The following QPRT variants were observed in gnomAD, a reference collection of about 807,000 sequenced individuals.
QPRT encodes the protein nicotinate-nucleotide pyrophosphorylase [carboxylating].
QPRT carries 17 observed loss-of-function variants against 19.8 expected under a neutral mutation model. The ratio of observed to expected loss-of-function variants is 0.86; its 90% CI spans 0.59 to 1.29. The LOEUF (loss-of-function observed/expected upper bound fraction) is 1.29. QPRT is among the 50% of genes most tolerant of loss of function. QPRT has a pLI of 0.00. For missense variants in QPRT, 336 were observed against 405.1 expected (o/e 0.83, Z 1.46); for synonymous variants, 178 against 191.0 (o/e 0.93, Z 0.56).
At chr16:29,687,139 G>A (rs989725613) in intron 1 of QPRT, among the ~76,000 whole-genome samples, 2 of 152,168 alleles carry the variant, frequency 1.3e-5, no homozygotes, top group Admixed American at 6.6e-5. Context: ...TCCTCAGCAG[G>A]GGCCTCACAG....
At chr16:29,696,891 C>A (rs1967552559) in intron 2 of QPRT, 105 bp from the exon 3 acceptor site, 1 of 1,351,472 alleles carries the variant, frequency 7.4e-7, no homozygotes, top group East Asian at 2.6e-5. Context: ...CGCGCCCCAG[C>A]TGCAGTGCTG....
At chr16:29,687,291 G>C (rs747752880) in intron 1 of QPRT, among the ~76,000 whole-genome samples, 1 of 152,172 alleles carries the variant, frequency 6.6e-6, no homozygotes, top group Non-Finnish European at 1.5e-5. Flanking sequence ...TTCGTATACT[G>C]AACCATATAA....
intron 1 of QPRT, among the ~76,000 whole-genome samples, chr16:29,693,547 CT>C (rs1446120919): frequency 6.6e-6 from 1 of 151,320 alleles, no homozygotes; most frequent in Non-Finnish European, 1.5e-5. Flanking sequence ...GCATGAGCCA[CT>C]GTACCCAGCC....
chr16:29,694,542 A>G (rs1455273996), intron 1 of QPRT, 122 bp from the exon 2 acceptor site: 3 of 667,114 alleles, frequency 4.5e-6, no homozygotes, highest in Middle Eastern at 5.8e-4. Flanking sequence ...CCCCCCTGGG[A>G]CCCCTAGATC....
intron 1 of QPRT, among the ~76,000 whole-genome samples, chr16:29,683,621 A>G (rs972221161): frequency 6.6e-6 from 1 of 152,072 alleles, no homozygotes; most frequent in Non-Finnish European, 1.5e-5. Flanking sequence ...GGCCTCCCAA[A>G]GTGTTGGGAT....
Position 29,681,493 on chromosome 16 carries a change from CTTTTTTTTTT to C in QPRT, c.13+2295_13+2304del, listed in dbSNP as rs10680462. Among the ~76,000 whole-genome samples, 42 of 97,130 alleles carry C rather than the reference CTTTTTTTTTT, an allele frequency of 4.3e-4. 1 individual carries two copies. Among genetic ancestry groups the C allele is most frequent in the Non-Finnish European group, 6.9e-4 (37 of 53,414 alleles). The allele number at this position is 97,130 out of a possible 152,430, so 63.7% of individuals were successfully genotyped here. ...CCATAATTTTCATCAGATCCAGATT[CTTTTTTTTTT>C]TTTTTTTTTTTGAGACAGAGTCTCG... On this transcript the variant is annotated intron_variant, in intron 1 of 3. Coordinates refer to ENST00000395384, the MANE Select transcript of QPRT (RefSeq NM_014298.6).
intron 1 of QPRT, among the ~76,000 whole-genome samples, chr16:29,690,123 CGGTATTT>C (rs113889114): frequency 0.04 from 6,029 of 152,172 alleles, 377 homozygotes; most frequent in African/African-American, 0.14. Context: ...TGAGAACACG[CGGTATTT>C]GGTTTTCTGT....
In QPRT at chr16:29,697,155, G is replaced by A. The variant is rs772394969; in HGVS notation, c.681+28G>A. 2 of 1,598,902 alleles carry A rather than the reference G, an allele frequency of 1.3e-6. No homozygotes were observed. Among genetic ancestry groups the A allele is most frequent in the African/African-American group, 1.3e-5 (1 of 74,672 alleles). On this transcript the variant is annotated intron_variant, in intron 3 of 3. Transcript: ENST00000395384. This position sits in a 1 kb window ranked among gnomAD's most constrained non-coding sequence, Gnocchi z 4.4. ...AAGGTGGGCTCTGCCTCCGGGGAGG[G>A]ATCTGTGGTGGGCTCTTACCTCCCC...
chr16:29,692,389 G>C (rs138448092), intron 1 of QPRT, among the ~76,000 whole-genome samples: 1 of 152,058 alleles, frequency 6.6e-6, no homozygotes, highest in Admixed American at 6.5e-5. Context: ...GACCATCCCA[G>C]CTAACACGGT....
At chr16:29,683,560 T>C (rs562817907) in intron 1 of QPRT, among the ~76,000 whole-genome samples, 3 of 152,254 alleles carry the variant, frequency 2.0e-5, no homozygotes, top group African/African-American at 7.2e-5. Flanking sequence ...GTTCTCACTA[T>C]GCTGCCCAGG....
intron 1 of QPRT, among the ~76,000 whole-genome samples, chr16:29,689,948 G>A (rs1193753592): frequency 2.6e-5 from 4 of 152,100 alleles, no homozygotes; most frequent in African/African-American, 9.7e-5. Flanking sequence ...GCTCCCAGCT[G>A]ATTAAAGCCA....
chr16:29,694,837 A>G lies in QPRT; in HGVS notation c.187A>G (p.Ile63Val). The G allele has an allele frequency of 1.2e-6, 2 of 1,614,090 alleles. No homozygotes were observed. The highest frequency in any genetic ancestry group is 8.5e-7 in the Non-Finnish European group (1 of 1,179,954). The stretch of plus-strand genomic sequence containing the variant: ...GGCAGGGCAGCCTTTCTTCGATGCC[A>G]TATTTACCCAACTCAACTGCCAAGT... The part of the protein sequence containing the change: ...VLAGQPFFDA[I>V]FTQLNCQVSW... Residue 63 changes from isoleucine to valine, a missense_variant, in exon 2 of 4, where the codon ATA (isoleucine) becomes GTA (valine). By Grantham distance (29) the Ile-to-Val change is conservative. Coordinates refer to ENST00000395384, the MANE Select transcript of QPRT (RefSeq NM_014298.6).
chr16:29,679,246 C>T, intron 1 of QPRT, 36 bp downstream of exon 1: 2 of 1,536,622 alleles, frequency 1.3e-6, no homozygotes, highest in Non-Finnish European at 9.0e-7. Context: ...TCCCTGCACC[C>T]ATCCCCCCAC....
chr16:29,682,687 G>GT (rs1454188283), intron 1 of QPRT, among the ~76,000 whole-genome samples: 2 of 151,892 alleles, frequency 1.3e-5, no homozygotes, highest in African/African-American at 4.8e-5. Context: ...GCCTCATCAT[G>GT]TTTTTTTCTT....
intron 1 of QPRT, among the ~76,000 whole-genome samples, chr16:29,687,369 G>A (rs1967193846): frequency 6.6e-6 from 1 of 152,184 alleles, no homozygotes; most frequent in South Asian, 2.1e-4. Flanking sequence ...TTCATAGTAT[G>A]TGAGCTAGGA....
chr16:29,697,061 G>C lies in QPRT; in HGVS notation c.615G>C (p.Leu205=), dbSNP rs753234532. The C allele has an allele frequency of 6.2e-7, 1 of 1,611,854 alleles. No homozygotes were observed. The highest frequency in any genetic ancestry group is 8.5e-7 in the Non-Finnish European group (1 of 1,179,226). ...AGGTGGAAGTGGAATGCAGCAGCCT[G>C]CAGGAGGCCGTGCAGGCAGCTGAGG... ...TLKVEVECSS[L]QEAVQAAEAG... The change falls in exon 3 of 4, where the codon CTG becomes CTC. Residue 205 remains leucine (L), a synonymous_variant. Transcript: ENST00000395384. The surrounding 1 kb of genome is among the most constrained non-coding windows in gnomAD (Gnocchi z 4.4).
intron 1 of QPRT, among the ~76,000 whole-genome samples, chr16:29,689,004 C>T (rs921294613): frequency 2.0e-5 from 3 of 152,060 alleles, no homozygotes; most frequent in Admixed American, 2.0e-4. Flanking sequence ...TGGTCTCAAA[C>T]TCCTGATCTC....
chr16:29,698,204 ACTG>A lies in QPRT; in HGVS notation c.*795_*797del, dbSNP rs1967610579. On this transcript the variant is annotated 3_prime_UTR_variant, in exon 4 of 4. Transcript: ENST00000395384. ...GCAGAGACACTGGGCTGGCCTAGAC[ACTG>A]CCTTTGGTGATACCCTAAACCAAAG... is the stretch of plus-strand genomic sequence containing the variant. The A allele has an allele frequency of 6.6e-6, 1 of 152,216 alleles. No homozygotes were observed. Among genetic ancestry groups the A allele is most frequent in the Admixed American group, 6.6e-5 (1 of 15,252 alleles). 9.4% of individuals were successfully genotyped at this position (152,216 alleles called of 1,614,324 possible). A position where few individuals can be genotyped will look rare whatever the true frequency, so the allele number is the denominator to read the frequency against.
chr16:29,685,936 C>A (rs1453038055), intron 1 of QPRT, among the ~76,000 whole-genome samples: 1 of 152,172 alleles, frequency 6.6e-6, no homozygotes, highest in Non-Finnish European at 1.5e-5. Flanking sequence ...TCTCAGCTCA[C>A]GGCAACCTCC....
Sources: allele counts gnomAD v4.1 joint callset (sites outside exome capture counted in the v4.1 genomes callset), GRCh38; gene constraint gnomAD v4.1.1; non-coding constraint Gnocchi (gnomAD v3.1); transcripts MANE v1.5; gene names NCBI Gene and HGNC (gene_info 2026-07-23, HGNC 2026-07-21).